Variants in ACOT11 observed in about 807,000 individuals in gnomAD.
ACOT11 encodes acyl-coenzyme A thioesterase 11.
Under a neutral mutation model 77.5 loss-of-function variants are expected in ACOT11, and 69 were observed. That is an observed-to-expected ratio of 0.89 (90% CI 0.73 to 1.09). The LOEUF is 1.09. Ranked by LOEUF, ACOT11 falls within the 50% of genes least tolerant of loss-of-function variation. ACOT11 has a pLI of 0.00. For missense variants in ACOT11, 766 were observed against 813.7 expected, an observed-to-expected ratio of 0.94 and a Z score of 0.71; for synonymous variants, 279 against 313.0, an observed-to-expected ratio of 0.89 and a Z score of 1.15.
intron 1 of ACOT11, among the ~76,000 whole-genome samples, chr1:54,574,261 G>T (rs1245567477): frequency 2.6e-5 from 4 of 152,170 alleles, no homozygotes; most frequent in African/African-American, 9.7e-5. Flanking sequence ...GGCCCACCCA[G>T]CCTGGCCCCT....
In ACOT11 at chr1:54,609,009, A is replaced by G; in HGVS notation, c.1682A>G (p.Asn561Ser). ...GGTGTTCTCAACTATGTGACCACCA[A>G]CGTGGCCGGCCTCTCCTCTGAGTTC... ...TPGVLNYVTT[N>S]VAGLSSEFYT... is the part of the protein sequence containing the mutation. The change falls in exon 16 of 16, where the codon AAC becomes AGC. Residue 561 changes from asparagine (N) to serine (S), a missense_variant. Transcript: ENST00000343744. The G allele has an allele frequency of 6.2e-7, 1 of 1,608,126 alleles. No individual in the cohort carries two copies. The highest frequency in any genetic ancestry group is 8.5e-7 in the Non-Finnish European group (1 of 1,177,492).
At chr1:54,568,255 C>A (rs1315774111) in intron 1 of ACOT11, among the ~76,000 whole-genome samples, 1 of 151,996 alleles carries the variant, frequency 6.6e-6, no homozygotes, top group Admixed American at 6.6e-5. Context: ...TGTTACATCC[C>A]GTTTTTTCTT....
Position 54,609,090 on chromosome 1 carries a change from C to G in ACOT11, c.1763C>G (p.Ala588Gly). The G allele has an allele frequency of 6.2e-7, 1 of 1,614,102 alleles. No individual in the cohort carries two copies. Among genetic ancestry groups the G allele is most frequent in the Non-Finnish European group, 8.5e-7 (1 of 1,180,012 alleles). ...QFLLDNRNDL[A>G]PSLQTL ...CTCTTGGACAACCGGAATGATCTGG[C>G]CCCCAGCCTCCAGACCCTCTAGATG... is the stretch of plus-strand genomic sequence containing the variant. The change falls in exon 16 of 16, where the codon GCC (alanine) becomes GGC (glycine). Residue 588 changes from alanine (A) to glycine (G), a missense_variant. Coordinates refer to ENST00000343744, the MANE Select transcript of ACOT11 (RefSeq NM_147161.4).
chr1:54,606,650 A>G (rs1358310470), intron 13 of ACOT11, among the ~76,000 whole-genome samples: 1 of 152,220 alleles, frequency 6.6e-6, no homozygotes, highest in Non-Finnish European at 1.5e-5. Flanking sequence ...CGTCTACAGC[A>G]TGGGGCTGTT....
At chr1:54,614,661 A>T (rs1362273994), downstream of ACOT11, 2 of 1,576,238 alleles carry the variant, frequency 1.3e-6, no homozygotes, top group Admixed American at 3.5e-5. Context: ...TTGACAGAAG[A>T]GGGCTGGACA....
intron 12 of ACOT11, among the ~76,000 whole-genome samples, chr1:54,604,642 C>A (rs987034274): frequency 1.3e-5 from 2 of 152,172 alleles, no homozygotes; most frequent in Non-Finnish European, 2.9e-5. Context: ...TGCCTGCCCC[C>A]CTTCCTGTTC....
intron 1 of ACOT11, among the ~76,000 whole-genome samples, chr1:54,568,474 C>G (rs564196018): frequency 6.6e-6 from 1 of 150,546 alleles, no homozygotes; most frequent in Admixed American, 6.7e-5. Flanking sequence ...AAGCAATTCT[C>G]CTGCCTCAGC....
intron 2 of ACOT11, 25 bp from the exon 3 acceptor site, chr1:54,585,810 T>A (rs1654478435): frequency 6.2e-7 from 1 of 1,613,634 alleles, no homozygotes; most frequent in Non-Finnish European, 8.5e-7. Context: ...GCTGCTAATG[T>A]CTGGCTTTCT....
chr1:54,624,221 C>G (rs1286321992), intron 15 of ACOT11, among the ~76,000 whole-genome samples: 2 of 152,202 alleles, frequency 1.3e-5, no homozygotes, highest in Non-Finnish European at 2.9e-5. Flanking sequence ...ACTTCAGCGT[C>G]TACACATTGG....
chr1:54,604,215 ACCTGCCG>A, intron 11 of ACOT11, 124 bp from the exon 12 acceptor site: 1 of 790,726 alleles, frequency 1.3e-6, no homozygotes, highest in Non-Finnish European at 2.1e-6. Flanking sequence ...TTTCCACAGC[ACCTGCCG>A]CACCACCCAC....
At chr1:54,616,089 G>T (rs200866369) in intron 15 of ACOT11, 164 of 1,613,996 alleles carry the variant, frequency 1.0e-4, no homozygotes, top group Non-Finnish European at 2.0e-5. Context: ...ATAGTGGGGG[G>T]GTGTGCCATG....
At position 54,584,805 on chromosome 1, in the gene ACOT11, G is replaced by A; in HGVS notation, c.184G>A (p.Gly62Ser). 1.2e-6 allele frequency: 2 copies of A among 1,614,076 alleles called. No homozygotes were observed. The highest frequency in any genetic ancestry group is 1.7e-6 in the Non-Finnish European group (2 of 1,180,034). ...GCTGCCCTGCCACACCAACCAACGT[G>A]GTGAGCTGAGCGTCGGGCAGCTGCT... ...LVLPCHTNQR[G>S]ELSVGQLLKW... The change falls in exon 2 of 16, where the codon GGT (glycine) becomes AGT (serine). Residue 62 changes from glycine to serine, a missense_variant. Transcript: ENST00000343744. The surrounding 1 kb of genome is among the most constrained non-coding windows in gnomAD (Gnocchi z 6.3).
chr1:54,616,103 G>A (rs1177425230), intron 15 of ACOT11: 1 of 1,614,094 alleles, frequency 6.2e-7, no homozygotes, highest in Non-Finnish European at 8.5e-7. Flanking sequence ...TGCCATGATG[G>A]GAACTCCTGT....
At chr1:54,601,233 T>C (rs775360265) in intron 8 of ACOT11, 36 bp from the exon 9 acceptor site, 2 of 1,595,740 alleles carry the variant, frequency 1.3e-6, no homozygotes, top group Non-Finnish European at 1.7e-6. Context: ...CTTGGGAAGG[T>C]CTGTCCAGGT....
chr1:54,564,128 T>C (rs1653651586), intron 1 of ACOT11, among the ~76,000 whole-genome samples: 3 of 151,302 alleles, frequency 2.0e-5, no homozygotes, highest in Non-Finnish European at 4.4e-5. Context: ...GCTACTCAGC[T>C]ACTCAAGGGG....
intron 1 of ACOT11, among the ~76,000 whole-genome samples, chr1:54,572,011 G>GCCAGAATT (rs1653944824): frequency 6.6e-6 from 1 of 152,090 alleles, no homozygotes; most frequent in Non-Finnish European, 1.5e-5. Flanking sequence ...GGAAGTCCTG[G>GCCAGAATT]CTGCAGCCAG....
At chr1:54,554,993 C>T (rs558403165) in intron 1 of ACOT11, among the ~76,000 whole-genome samples, 1 of 152,300 alleles carries the variant, frequency 6.6e-6, no homozygotes, top group Non-Finnish European at 1.5e-5. Context: ...GAGTCTCACT[C>T]TGTCGCCCAG....
rs1220848591 is a variant in ACOT11 at position 54,607,344 on chromosome 1, G to A, written c.1502+79G>A. 6.9e-6 allele frequency: 11 copies of A among 1,586,464 alleles called. No individual in the cohort carries two copies. The highest frequency in any genetic ancestry group is 7.7e-6 in the Non-Finnish European group (9 of 1,161,460). On this transcript the variant is annotated intron_variant, in intron 14 of 15. Transcript: ENST00000343744. This position sits in a 1 kb window ranked among gnomAD's most constrained non-coding sequence, Gnocchi z 4.5. ...TGGCCGCTTCTCCCTCCCAGGGAAG[G>A]GCATCAGCCTGGAGCCAGAGCTCTG... is the stretch of plus-strand genomic sequence containing the variant.
intron 1 of ACOT11, among the ~76,000 whole-genome samples, chr1:54,573,525 G>A (rs541691591): frequency 6.6e-6 from 1 of 152,204 alleles, no homozygotes; most frequent in South Asian, 2.1e-4. Context: ...TTGAGGCTAG[G>A]AGTTCGAGAT....
Sources: allele counts gnomAD v4.1 joint callset (sites outside exome capture counted in the v4.1 genomes callset), GRCh38; gene constraint gnomAD v4.1.1; non-coding constraint Gnocchi (gnomAD v3.1); transcripts MANE v1.5; gene names NCBI Gene and HGNC (gene_info 2026-07-23, HGNC 2026-07-21).